The following SORCS1 variants were observed in gnomAD, a reference collection of about 807,000 sequenced individuals.
SORCS1 encodes the protein sortilin related VPS10 domain containing receptor 1.
In SORCS1, 60 loss-of-function variants were observed where a neutral mutation model predicts 146.1. The ratio of observed to expected loss-of-function variants is 0.41; its 90% CI spans 0.33 to 0.51. SORCS1 has a LOEUF of 0.51. SORCS1 is among the 20% of genes least tolerant of loss of function. SORCS1 has a pLI of 0.21. For synonymous variants in SORCS1, 637 were observed against 584.0 expected, an observed-to-expected ratio of 1.09 and a Z score of -1.31; for missense variants, 1,352 against 1,487.6, an observed-to-expected ratio of 0.91 and a Z score of 1.50.
intron 1 of SORCS1, among the ~76,000 whole-genome samples, chr10:107,065,138 G>A (rs1961618552): frequency 6.6e-6 from 1 of 152,108 alleles, no homozygotes; most frequent in Non-Finnish European, 1.5e-5. Flanking sequence ...TTGATTGAGG[G>A]TGGGGGGAGG....
intron 1 of SORCS1, among the ~76,000 whole-genome samples, chr10:107,124,246 A>C (rs935768219): frequency 1.3e-5 from 2 of 152,090 alleles, no homozygotes; most frequent in African/African-American, 4.8e-5. Flanking sequence ...AGCCCTAGGA[A>C]GAGATATGTG....
Position 107,112,799 on chromosome 10 carries a change from A to G in SORCS1, c.558+51170T>C, listed in dbSNP as rs537643839. 6.6e-5 allele frequency among the ~76,000 whole-genome samples: 10 copies of G among 152,348 alleles called. No homozygotes were observed. In the East Asian group the frequency reaches 1.2e-3, roughly 18 times the overall value. On this transcript the variant is annotated intron_variant, in intron 1 of 25. Transcript: ENST00000263054. ...TAGAAGAGACAAAAAAGGTAGCTACATGATGATAACAATTGTAAATATATA... is the reference window on the plus strand; with the variant it reads ...TAGAAGAGACAAAAAAGGTAGCTACGTGATGATAACAATTGTAAATATATA...
intron 18 of SORCS1, among the ~76,000 whole-genome samples, chr10:106,643,746 C>A (rs8181404): frequency 0.23 from 34,556 of 152,160 alleles, 4,860 homozygotes; most frequent in East Asian, 0.52. Flanking sequence ...ATCACTCAAC[C>A]CAGTGTGAGA....
intron 4 of SORCS1, among the ~76,000 whole-genome samples, chr10:106,769,386 G>T (rs1859822941): frequency 1.3e-5 from 2 of 151,846 alleles, no homozygotes; most frequent in East Asian, 2.0e-4. Flanking sequence ...TTGGGAGGCT[G>T]AGGCAGGAGA....
At chr10:107,059,497 C>T (rs1320156865) in intron 1 of SORCS1, among the ~76,000 whole-genome samples, 1 of 152,100 alleles carries the variant, frequency 6.6e-6, no homozygotes, top group African/African-American at 2.4e-5. Context: ...CTGGTAACTG[C>T]CCAGATGACA....
intron 2 of SORCS1, among the ~76,000 whole-genome samples, chr10:106,934,188 C>T (rs1200926977): frequency 6.6e-6 from 1 of 150,882 alleles, no homozygotes; most frequent in Non-Finnish European, 1.5e-5. Flanking sequence ...AACGTTTATA[C>T]ACTGCTTATG....
At chr10:106,802,260 G>T (rs188854901) in intron 3 of SORCS1, among the ~76,000 whole-genome samples, 1 of 152,318 alleles carries the variant, frequency 6.6e-6, no homozygotes, top group East Asian at 1.9e-4. Context: ...GGTGAGCCTG[G>T]CTTCAGGGAA....
At chr10:107,067,932 T>C (rs1159531680) in intron 1 of SORCS1, among the ~76,000 whole-genome samples, 1 of 152,194 alleles carries the variant, frequency 6.6e-6, no homozygotes, top group Non-Finnish European at 1.5e-5. Context: ...AGGATGATGA[T>C]GACTCAAAGC....
intron 1 of SORCS1, among the ~76,000 whole-genome samples, chr10:107,148,355 G>A (rs371219604): frequency 5.3e-5 from 8 of 152,308 alleles, no homozygotes; most frequent in East Asian, 3.9e-4. Context: ...TGTTGTAGCA[G>A]GAAAGCAGCC....
chr10:106,802,640 AGGCAT>A (rs1946963667), intron 3 of SORCS1, among the ~76,000 whole-genome samples: 2 of 152,146 alleles, frequency 1.3e-5, no homozygotes, highest in African/African-American at 2.4e-5. Context: ...CTGGGATTAC[AGGCAT>A]GCCCCACCAT....
intron 14 of SORCS1, among the ~76,000 whole-genome samples, chr10:106,673,990 T>C (rs1389684678): frequency 1.3e-5 from 2 of 151,946 alleles, no homozygotes; most frequent in Non-Finnish European, 2.9e-5. Flanking sequence ...TTAGGCATAT[T>C]AGATTTTTAT....
chr10:106,830,694 G>A (rs536467222), intron 2 of SORCS1, among the ~76,000 whole-genome samples: 4 of 151,378 alleles, frequency 2.6e-5, no homozygotes, highest in South Asian at 4.2e-4. Context: ...TCAGGAATTC[G>A]AGACAAGCCT....
At chr10:106,813,978 C>T (rs12572735) in intron 3 of SORCS1, among the ~76,000 whole-genome samples, 19 of 152,180 alleles carry the variant, frequency 1.2e-4, no homozygotes, top group South Asian at 4.2e-4. Context: ...GAAATACCAA[C>T]GAGAAAATCC....
At chr10:106,882,590 C>G (rs1695893271) in intron 2 of SORCS1, among the ~76,000 whole-genome samples, 1 of 152,108 alleles carries the variant, frequency 6.6e-6, no homozygotes, top group Non-Finnish European at 1.5e-5. Flanking sequence ...TGACCCTAGT[C>G]TAGATACTTT....
At chr10:106,918,832 T>G (rs1035715441) in intron 2 of SORCS1, among the ~76,000 whole-genome samples, 1 of 151,424 alleles carries the variant, frequency 6.6e-6, no homozygotes, top group Non-Finnish European at 1.5e-5. Context: ...GAAAATTGTA[T>G]AGTGTATTAT....
At chr10:106,601,792 GA>G (rs1226358823) in intron 23 of SORCS1, among the ~76,000 whole-genome samples, 5 of 152,202 alleles carry the variant, frequency 3.3e-5, no homozygotes, top group Admixed American at 1.3e-4. Flanking sequence ...GCACAAGAGG[GA>G]AAAGGAGCTA....
At chr10:107,138,932 G>A (rs1308671980) in intron 1 of SORCS1, among the ~76,000 whole-genome samples, 1 of 152,086 alleles carries the variant, frequency 6.6e-6, no homozygotes, top group Non-Finnish European at 1.5e-5. Flanking sequence ...TCCTTTCCTA[G>A]ACTTTTCACT....
intron 2 of SORCS1, among the ~76,000 whole-genome samples, chr10:106,870,935 A>C (rs1950386037): frequency 6.6e-6 from 1 of 152,232 alleles, no homozygotes; most frequent in South Asian, 2.1e-4. Context: ...AATGGGAGAA[A>C]ATATTTGCAA....
Position 106,969,206 on chromosome 10 carries a change from G to A in SORCS1, c.559-12626C>T, listed in dbSNP as rs1467018579. 3.3e-5 allele frequency among the ~76,000 whole-genome samples: 5 copies of A among 152,254 alleles called. No homozygotes were observed. In the South Asian group the frequency reaches 6.2e-4, roughly 19 times the overall value. On this transcript the variant is annotated intron_variant, in intron 1 of 25. Coordinates refer to ENST00000263054, the MANE Select transcript of SORCS1 (RefSeq NM_052918.5). ...ACCAAAATGTTTCCATGTGATTCTA[G>A]TTCTAATTCTTTACAATGGCATGGC...
Sources: gnomAD v4.1 joint callset for allele counts (sites outside exome capture counted in the v4.1 genomes callset) on GRCh38, gnomAD v4.1.1 for gene constraint, MANE v1.5 for transcripts, NCBI Gene and HGNC (gene_info 2026-07-23, HGNC 2026-07-21) for gene names.